SH3GL2: variants seen among roughly 807,000 people sequenced by gnomAD.
The protein encoded by SH3GL2 is SH3 domain containing GRB2 like 2, endophilin A1, also known as endophilin-A1.
SH3GL2 carries 24 observed loss-of-function variants against 46.0 expected under a neutral mutation model. The observed-to-expected ratio is 0.52, with a 90% confidence interval of 0.38 to 0.73. The LOEUF (loss-of-function observed/expected upper bound fraction) is 0.73. SH3GL2 is among the 30% of genes least tolerant of loss of function. The pLI is 0.00. For missense variants in SH3GL2, 413 were observed against 424.2 expected (o/e 0.97, Z 0.23); for synonymous variants, 196 against 147.1 (o/e 1.33, Z -2.40).
rs189868787 is a variant in SH3GL2 at position 17,688,473 on chromosome 9, G to T, written c.46-58593G>T. On this transcript the variant is annotated intron_variant, in intron 1 of 8. Transcript: ENST00000380607. ...AGAAGACAAACGAAAATAAGACCCA[G>T]TGTGAAAAAAATAACAGAGATCGTG... Among the ~76,000 whole-genome samples, 314 of 152,114 alleles carry T rather than the reference G, an allele frequency of 2.1e-3. 2 individuals carry two copies. The highest frequency in any genetic ancestry group is 7.3e-3 in the African/African-American group (303 of 41,532).
At chr9:17,588,405 T>C (rs1488318943) in intron 1 of SH3GL2, among the ~76,000 whole-genome samples, 2 of 152,174 alleles carry the variant, frequency 1.3e-5, no homozygotes, top group Non-Finnish European at 2.9e-5. Flanking sequence ...GATTATATGA[T>C]TGGACTTAAT....
chr9:17,618,964 T>C (rs1819068685), intron 1 of SH3GL2, among the ~76,000 whole-genome samples: 1 of 152,208 alleles, frequency 6.6e-6, no homozygotes. Flanking sequence ...TTATTGATTT[T>C]TTTAAATTCC....
intron 1 of SH3GL2, among the ~76,000 whole-genome samples, chr9:17,632,799 T>C: frequency 6.6e-6 from 1 of 152,208 alleles, no homozygotes; most frequent in East Asian, 1.9e-4. Context: ...TCTCAATGTG[T>C]CCCTGCTATT....
intron 1 of SH3GL2, among the ~76,000 whole-genome samples, chr9:17,625,355 C>T (rs1292266671): frequency 6.6e-6 from 1 of 152,202 alleles, no homozygotes; most frequent in Non-Finnish European, 1.5e-5. Context: ...AGCAGAATTA[C>T]TACTGTGGCA....
chr9:17,768,834 A>G (rs1469505967), intron 3 of SH3GL2, among the ~76,000 whole-genome samples: 1 of 152,170 alleles, frequency 6.6e-6, no homozygotes, highest in Admixed American at 6.5e-5. Flanking sequence ...TGCTACCTTT[A>G]TATCACATGA....
At chr9:17,651,494 C>T (rs1819958880) in intron 1 of SH3GL2, among the ~76,000 whole-genome samples, 1 of 151,936 alleles carries the variant, frequency 6.6e-6, no homozygotes, top group Non-Finnish European at 1.5e-5. Context: ...TGCCTTTTTT[C>T]TGGTTATTGC....
At chr9:17,626,513 T>G (rs1335054875) in intron 1 of SH3GL2, among the ~76,000 whole-genome samples, 1 of 152,234 alleles carries the variant, frequency 6.6e-6, no homozygotes, top group Non-Finnish European at 1.5e-5. Context: ...CATGGATTTT[T>G]AAAATGGCAG....
intron 1 of SH3GL2, among the ~76,000 whole-genome samples, chr9:17,622,428 A>G (rs1020211182): frequency 6.6e-5 from 10 of 152,194 alleles, no homozygotes; most frequent in Admixed American, 3.9e-4. Flanking sequence ...AAGAGGCAGC[A>G]TGATTAAAAA....
intron 3 of SH3GL2, among the ~76,000 whole-genome samples, chr9:17,781,407 A>G (rs1823804659): frequency 6.9e-6 from 1 of 143,896 alleles, no homozygotes; most frequent in African/African-American, 2.6e-5. Context: ...GTAGGTTGCG[A>G]AAATTTTCTC....
chr9:17,747,893 C>G (rs550869776), intron 2 of SH3GL2, among the ~76,000 whole-genome samples: 1 of 151,970 alleles, frequency 6.6e-6, no homozygotes, highest in African/African-American at 2.4e-5. Context: ...AGGCTGGTCT[C>G]GAACTCCTAA....
chr9:17,657,944 C>T (rs1023435659), intron 1 of SH3GL2, among the ~76,000 whole-genome samples: 3 of 152,060 alleles, frequency 2.0e-5, no homozygotes, highest in African/African-American at 7.2e-5. Flanking sequence ...ATTAAGATTC[C>T]ATGTAATTTT....
At chr9:17,760,431 A>G (rs1355991994) in intron 2 of SH3GL2, among the ~76,000 whole-genome samples, 1 of 151,938 alleles carries the variant, frequency 6.6e-6, no homozygotes, top group Non-Finnish European at 1.5e-5. Flanking sequence ...ACCGGTATAT[A>G]TTATATACCG....
intron 1 of SH3GL2, among the ~76,000 whole-genome samples, chr9:17,611,181 T>A (rs577576186): frequency 3.0e-4 from 45 of 152,370 alleles, no homozygotes; most frequent in African/African-American, 9.4e-4. Flanking sequence ...TGGTTTTTTT[T>A]ATTTCATAAA....
chr9:17,684,456 T>G (rs1345454009), intron 1 of SH3GL2, among the ~76,000 whole-genome samples: 4 of 152,008 alleles, frequency 2.6e-5, no homozygotes, highest in Non-Finnish European at 4.4e-5. Context: ...CCTAAGAGCT[T>G]TAGTACAATA....
intron 2 of SH3GL2, among the ~76,000 whole-genome samples, chr9:17,761,075 A>T (rs1321712115): frequency 1.3e-5 from 2 of 152,260 alleles, no homozygotes; most frequent in Non-Finnish European, 2.9e-5. Context: ...TTCTTTCTTG[A>T]GGGCAGCAAA....
chr9:17,689,468 C>G (rs946398671), intron 1 of SH3GL2, among the ~76,000 whole-genome samples: 1 of 152,002 alleles, frequency 6.6e-6, no homozygotes, highest in Admixed American at 6.6e-5. Flanking sequence ...ATGTACAGTG[C>G]TAATAAGAGG....
At chr9:17,774,314 C>T (rs555777981) in intron 3 of SH3GL2, among the ~76,000 whole-genome samples, 1 of 152,212 alleles carries the variant, frequency 6.6e-6, no homozygotes, top group African/African-American at 2.4e-5. Context: ...CCAGAACTTT[C>T]AGTACTGTGT....
intron 2 of SH3GL2, among the ~76,000 whole-genome samples, chr9:17,747,867 T>C (rs1822739680): frequency 6.6e-6 from 1 of 151,710 alleles, no homozygotes. Context: ...AGAGATGGGG[T>C]TTTACCATGC....
intron 1 of SH3GL2, among the ~76,000 whole-genome samples, chr9:17,692,308 A>T (rs564427301): frequency 5.7e-4 from 87 of 151,520 alleles, no homozygotes; most frequent in African/African-American, 2.0e-3. Context: ...AAGAAACCCT[A>T]TAAAGATATT....
Sources: gnomAD v4.1 joint callset for allele counts (sites outside exome capture counted in the v4.1 genomes callset) on GRCh38, gnomAD v4.1.1 for gene constraint, MANE v1.5 for transcripts, NCBI Gene and HGNC (gene_info 2026-07-23, HGNC 2026-07-21) for gene names.